Variants in PHACTR1 observed in about 807,000 individuals in gnomAD.
PHACTR1 encodes the protein phosphatase and actin regulator 1.
In PHACTR1, 16 loss-of-function variants were observed where a neutral mutation model predicts 69.2. The ratio of observed to expected loss-of-function variants is 0.23; its 90% CI spans 0.16 to 0.35. The LOEUF is 0.35. Among genes scored for constraint, PHACTR1 ranks in the 10% least tolerant of loss-of-function variants. The pLI, the probability that PHACTR1 is intolerant of heterozygous loss-of-function variation, is 1.00. For missense variants in PHACTR1, 510 were observed against 734.7 expected (o/e 0.69, Z 3.54); for synonymous variants, 312 against 284.5 (o/e 1.10, Z -0.97).
chr6:13,059,724 T>A (rs1807402556), intron 5 of PHACTR1, among the ~76,000 whole-genome samples: 1 of 152,190 alleles, frequency 6.6e-6, no homozygotes, highest in East Asian at 1.9e-4. Context: ...TGGTGGTGGC[T>A]TTATCTGAGA....
intron 4 of PHACTR1, among the ~76,000 whole-genome samples, chr6:12,848,724 G>A (rs1026582296): frequency 2.0e-5 from 3 of 152,248 alleles, no homozygotes; most frequent in Admixed American, 2.0e-4. Flanking sequence ...CTAGGTTTCT[G>A]GTTCTGAATG....
chr6:12,839,740 A>C (rs1309884085), intron 4 of PHACTR1, among the ~76,000 whole-genome samples: 1 of 152,200 alleles, frequency 6.6e-6, no homozygotes, highest in Non-Finnish European at 1.5e-5. Flanking sequence ...CGGTTCGTTA[A>C]ATTATAATGA....
At chr6:13,182,397 T>C (rs1268926203) in intron 6 of PHACTR1, 122 bp from the exon 7 acceptor site, 3 of 1,102,196 alleles carry the variant, frequency 2.7e-6, no homozygotes, top group Admixed American at 3.5e-5. Context: ...AAATAACAGA[T>C]GTTGGTTTCA....
At chr6:12,908,247 C>A (rs935245506) in intron 4 of PHACTR1, among the ~76,000 whole-genome samples, 1 of 152,188 alleles carries the variant, frequency 6.6e-6, no homozygotes, top group Non-Finnish European at 1.5e-5. Context: ...TTATCGAGTT[C>A]CCCTTCATCT....
chr6:13,278,386 CCT>C, intron 12 of PHACTR1, 57 bp downstream of exon 12: 2 of 1,492,614 alleles, frequency 1.3e-6, no homozygotes, highest in Middle Eastern at 3.8e-4. Flanking sequence ...GCCTGCCACA[CCT>C]CTGCCCTCTG....
Position 13,015,979 on chromosome 6 carries a change from A to G in PHACTR1, c.251-37386A>G, listed in dbSNP as rs73366232. ...AATCTATTGTGTGGTGCACTCATTT[A>G]ATCACCAAAATGGAGTGAGGTCAGG... On this transcript the variant is annotated intron_variant, in intron 4 of 14. Coordinates refer to ENST00000332995, the MANE Select transcript of PHACTR1 (RefSeq NM_030948.6). 1.8e-3 allele frequency among the ~76,000 whole-genome samples: 277 copies of G among 152,290 alleles called. 1 individual carries two copies. The highest frequency in any genetic ancestry group is 6.5e-3 in the African/African-American group (270 of 41,546).
At chr6:12,833,187 G>A (rs547675556) in intron 4 of PHACTR1, among the ~76,000 whole-genome samples, 22 of 151,910 alleles carry the variant, frequency 1.4e-4, no homozygotes, top group South Asian at 1.0e-3. Context: ...CTTCCTTTTC[G>A]TGTTAAACCT....
intron 3 of PHACTR1, among the ~76,000 whole-genome samples, chr6:12,726,972 G>A (rs904735904): frequency 1.3e-5 from 2 of 151,964 alleles, no homozygotes; most frequent in African/African-American, 4.8e-5. Flanking sequence ...ATTTTTTATT[G>A]TTTCCAGTCT....
At chr6:13,101,303 C>T (rs1354552753) in intron 5 of PHACTR1, among the ~76,000 whole-genome samples, 2 of 152,222 alleles carry the variant, frequency 1.3e-5, no homozygotes, top group Non-Finnish European at 2.9e-5. Context: ...CCACATCAGT[C>T]CATTCATGAG....
intron 3 of PHACTR1, among the ~76,000 whole-genome samples, chr6:12,722,755 G>T (rs560810): frequency 0.49 from 74,841 of 151,988 alleles, 19,902 homozygotes; most frequent in East Asian, 0.87. Flanking sequence ...GGTATGATGT[G>T]TTGCAGAGAG....
chr6:13,180,288 C>T (rs188079354), intron 6 of PHACTR1, among the ~76,000 whole-genome samples: 147 of 152,290 alleles, frequency 9.7e-4, no homozygotes, highest in Non-Finnish European at 1.2e-3. Flanking sequence ...GCAATTATAA[C>T]AGTGGAGTTC....
intron 8 of PHACTR1, among the ~76,000 whole-genome samples, chr6:13,215,275 C>A (rs888468539): frequency 1.3e-5 from 2 of 152,208 alleles, no homozygotes; most frequent in African/African-American, 4.8e-5. Context: ...GGAGTATAGA[C>A]TGGACAGATC....
At chr6:12,802,856 G>T (rs2127680087) in intron 4 of PHACTR1, among the ~76,000 whole-genome samples, 1 of 152,302 alleles carries the variant, frequency 6.6e-6, no homozygotes, top group Middle Eastern at 3.4e-3. Context: ...TCCGAGAGAA[G>T]ACGTTTTAAA....
chr6:12,754,276 C>A (rs926749797), intron 4 of PHACTR1, among the ~76,000 whole-genome samples: 1 of 151,784 alleles, frequency 6.6e-6, no homozygotes, highest in Non-Finnish European at 1.5e-5. Flanking sequence ...CCTGGGCTGG[C>A]AAATTGTAAA....
chr6:12,750,189 C>T (rs1766429656), intron 4 of PHACTR1, among the ~76,000 whole-genome samples: 1 of 152,234 alleles, frequency 6.6e-6, no homozygotes, highest in Admixed American at 6.5e-5. Flanking sequence ...GACATTCAGA[C>T]TCTGTTGGCT....
At chr6:13,119,480 A>G (rs1002833695) in intron 5 of PHACTR1, among the ~76,000 whole-genome samples, 3 of 152,184 alleles carry the variant, frequency 2.0e-5, no homozygotes, top group Non-Finnish European at 2.9e-5. Flanking sequence ...AGGCTCTGTG[A>G]TGTATGGGGA....
chr6:12,782,788 A>T (rs1771003012), intron 4 of PHACTR1, among the ~76,000 whole-genome samples: 1 of 152,218 alleles, frequency 6.6e-6, no homozygotes, highest in Non-Finnish European at 1.5e-5. Context: ...TGGCACCCTG[A>T]TTACGGGAAA....
intron 5 of PHACTR1, among the ~76,000 whole-genome samples, chr6:13,066,186 ACT>A (rs1049745560): frequency 2.0e-5 from 3 of 152,134 alleles, no homozygotes; most frequent in Non-Finnish European, 4.4e-5. Context: ...TTTATCCAGC[ACT>A]CTCTGCGTGT....
At chr6:13,097,492 T>C (rs1814457009) in intron 5 of PHACTR1, among the ~76,000 whole-genome samples, 1 of 152,200 alleles carries the variant, frequency 6.6e-6, no homozygotes, top group South Asian at 2.1e-4. Flanking sequence ...TTTTCTTGAT[T>C]GTAAGAGCAG....
Sources: allele counts gnomAD v4.1 joint callset (sites outside exome capture counted in the v4.1 genomes callset), GRCh38; gene constraint gnomAD v4.1.1; transcripts MANE v1.5; gene names NCBI Gene and HGNC (gene_info 2026-07-23, HGNC 2026-07-21).